Variants in YPEL2 observed in about 807,000 individuals in gnomAD.
YPEL2 encodes protein yippee-like 2.
In YPEL2, 2 loss-of-function variants were observed where a neutral mutation model predicts 19.1. That is an observed-to-expected ratio of 0.10 (90% CI 0.04 to 0.33). The LOEUF (loss-of-function observed/expected upper bound fraction) is 0.33. YPEL2 is among the 10% of genes least tolerant of loss of function. The probability of loss-of-function intolerance (pLI) is 1.00; values close to 1 mark genes in which losing one functional copy is unlikely to be tolerated. For synonymous variants in YPEL2, 52 were observed against 50.0 expected, an observed-to-expected ratio of 1.04 and a Z score of -0.17; for missense variants, 66 against 140.7, an observed-to-expected ratio of 0.47 and a Z score of 2.68.
chr17:59,385,437 G>T (rs2047975046), intron 2 of YPEL2, among the ~76,000 whole-genome samples: 1 of 151,992 alleles, frequency 6.6e-6, no homozygotes, highest in African/African-American at 2.4e-5. Flanking sequence ...AATTAGCCAG[G>T]CATGGTGGTG....
chr17:59,392,080 A>AT (rs2048010404), intron 4 of YPEL2, among the ~76,000 whole-genome samples: 1 of 152,014 alleles, frequency 6.6e-6, no homozygotes, highest in Non-Finnish European at 1.5e-5. Context: ...CACAGTTCTA[A>AT]TTGTGGTTAT....
At chr17:59,337,235 G>A (rs1320029585) in intron 1 of YPEL2, among the ~76,000 whole-genome samples, 1 of 148,494 alleles carries the variant, frequency 6.7e-6, no homozygotes. Flanking sequence ...TGGCCCAGGC[G>A]GGAGTGCAGT....
intron 1 of YPEL2, among the ~76,000 whole-genome samples, chr17:59,335,426 A>T (rs575625027): frequency 5.3e-5 from 8 of 151,188 alleles, no homozygotes; most frequent in Non-Finnish European, 8.9e-5. Flanking sequence ...CCAATCCCCA[A>T]CCTGTCCACT....
chr17:59,363,920 CCTCT>C (rs1259123188), intron 2 of YPEL2, among the ~76,000 whole-genome samples: 1 of 152,142 alleles, frequency 6.6e-6, no homozygotes, highest in Non-Finnish European at 1.5e-5. Context: ...CTTCTCCTTT[CCTCT>C]CTCTCTATTC....
In YPEL2 at chr17:59,353,570, C is replaced by A; in HGVS notation, c.117+44C>A. 1.4e-6 allele frequency: 2 copies of A among 1,427,354 alleles called. No homozygotes were observed. Among genetic ancestry groups the A allele is most frequent in the Non-Finnish European group, 2.0e-6 (2 of 1,010,278 alleles). 88.4% of individuals were successfully genotyped at this position (1,427,354 alleles called of 1,614,324 possible). On this transcript the variant is annotated intron_variant, in intron 2 of 4. Transcript: ENST00000312655. The surrounding 1 kb of genome is among the most constrained non-coding windows in gnomAD (Gnocchi z 4.8). Reference sequence around the variant, plus strand: ...CCTTCCTTGCCTACCCCGGGGAGGGCGCTTAGTGCTCCTGAAGTTGCAGAG... The same window carrying A: ...CCTTCCTTGCCTACCCCGGGGAGGGAGCTTAGTGCTCCTGAAGTTGCAGAG...
chr17:59,365,632 A>G (rs966248008), intron 2 of YPEL2, among the ~76,000 whole-genome samples: 1 of 152,226 alleles, frequency 6.6e-6, no homozygotes, highest in African/African-American at 2.4e-5. Context: ...GAACAAAACC[A>G]AAAGAGAATC....
Position 59,397,557 on chromosome 17 carries a change from C to T in YPEL2, c.*367C>T, listed in dbSNP as rs1261238786. On this transcript the variant is annotated 3_prime_UTR_variant, in exon 5 of 5. Transcript: ENST00000312655. ...TGTCAGGAGAGCAGTGGCACGGGGG[C>T]GTGAGGAAGAGGGAAAGGGGAAACT... 3.4e-5 allele frequency: 6 copies of T among 174,220 alleles called. No homozygotes were observed. The highest frequency in any genetic ancestry group is 1.5e-4 in the East Asian group (1 of 6,652). 10.8% of individuals were successfully genotyped at this position (174,220 alleles called of 1,614,324 possible). A position where few individuals can be genotyped will look rare whatever the true frequency, so the allele number is the denominator to read the frequency against.
Position 59,394,435 on chromosome 17 carries a change from C to T in YPEL2, c.271-2666C>T, listed in dbSNP as rs540381226. Among the ~76,000 whole-genome samples, 17 of 150,868 alleles carry T rather than the reference C, an allele frequency of 1.1e-4. No homozygotes were observed. The South Asian group carries it at 2.9e-3, about 26-fold the overall frequency. On this transcript the variant is annotated intron_variant, in intron 4 of 4. Transcript: ENST00000312655. ...CGATGGGCGGCCGGGCAGAGACGCT[C>T]CTCACTTCCTAGATGGGATGGCGGC...
rs936700189 is a variant in YPEL2 at position 59,397,351 on chromosome 17, C to T, written c.*161C>T. ...ACGCCATCTTTCTGGTGACCGGCCT[C>T]TAAATCGCTGTCTCTCTGTCTCTTT... On this transcript the variant is annotated 3_prime_UTR_variant, in exon 5 of 5. Coordinates refer to ENST00000312655, the MANE Select transcript of YPEL2 (RefSeq NM_001005404.4). 8 of 466,054 alleles carry T rather than the reference C, an allele frequency of 1.7e-5. No homozygotes were observed. The highest frequency in any genetic ancestry group is 8.2e-5 in the Admixed American group (2 of 24,362). 28.9% of individuals were successfully genotyped at this position (466,054 alleles called of 1,614,324 possible). A position where few individuals can be genotyped will look rare whatever the true frequency, so the allele number is the denominator to read the frequency against.
chr17:59,399,047 A>C lies in YPEL2; in HGVS notation c.*1857A>C, dbSNP rs2048056178. 2 of 152,450 alleles carry C rather than the reference A, an allele frequency of 1.3e-5. No homozygotes were observed. Among genetic ancestry groups the C allele is most frequent in the Admixed American group, 6.5e-5 (1 of 15,278 alleles). The allele number at this position is 152,450 out of a possible 1,614,324, so 9.4% of individuals were successfully genotyped here. ...TTGTCCAGATCTTTCCAGTGCTTTC[A>C]TAGCCCTGGGAGATCAAGTTGTTCT... On this transcript the variant is annotated 3_prime_UTR_variant, in exon 5 of 5. Transcript: ENST00000312655.
At chr17:59,349,876 G>T (rs1249148162) in intron 1 of YPEL2, among the ~76,000 whole-genome samples, 3 of 151,652 alleles carry the variant, frequency 2.0e-5, no homozygotes, top group Non-Finnish European at 4.4e-5. Context: ...GGCCAGGATG[G>T]TCTCAATCTC....
intron 4 of YPEL2, 62 bp downstream of exon 4, chr17:59,389,530 A>G: frequency 3.8e-6 from 5 of 1,333,016 alleles, no homozygotes; most frequent in Non-Finnish European, 5.3e-6. Flanking sequence ...GCCTTATGCC[A>G]GAACACTTTC....
chr17:59,351,854 G>T (rs2047789120), intron 1 of YPEL2, among the ~76,000 whole-genome samples: 3 of 152,184 alleles, frequency 2.0e-5, no homozygotes. Flanking sequence ...CTCTCACTGT[G>T]GGTTAAGGGG....
At position 59,335,909 on chromosome 17, in the gene YPEL2, G is replaced by C. The variant is rs190202485; in HGVS notation, c.-196+4085G>C. Among the ~76,000 whole-genome samples the C allele has an allele frequency of 1.2e-3, 182 of 152,220 alleles. 1 individual carries two copies. The highest frequency in any genetic ancestry group is 4.0e-3 in the African/African-American group (165 of 41,522). On this transcript the variant is annotated intron_variant, in intron 1 of 4. Coordinates refer to ENST00000312655, the MANE Select transcript of YPEL2 (RefSeq NM_001005404.4). Reference sequence around the variant, plus strand: ...TGGTTCTCAGAGCTACTTCCTGACGGACCAGTTATCTAGAACAGCTCCTCC... The same window carrying C: ...TGGTTCTCAGAGCTACTTCCTGACGCACCAGTTATCTAGAACAGCTCCTCC...
At chr17:59,385,982 T>C (rs2047978004) in intron 2 of YPEL2, among the ~76,000 whole-genome samples, 1 of 151,224 alleles carries the variant, frequency 6.6e-6, no homozygotes, top group Non-Finnish European at 1.5e-5. Context: ...ACTGAGGGAG[T>C]GAGATAAATA....
chr17:59,341,056 G>A (rs1273007237), intron 1 of YPEL2, among the ~76,000 whole-genome samples: 1 of 149,342 alleles, frequency 6.7e-6, no homozygotes, highest in Non-Finnish European at 1.5e-5. Flanking sequence ...CGGGCGCGGT[G>A]GCTCATGCCT....
chr17:59,394,045 G>T (rs938923348), intron 4 of YPEL2, among the ~76,000 whole-genome samples: 1 of 152,248 alleles, frequency 6.6e-6, no homozygotes, highest in Non-Finnish European at 1.5e-5. Context: ...TTCCAGACGG[G>T]GTGGTGGCCG....
intron 1 of YPEL2, among the ~76,000 whole-genome samples, chr17:59,348,628 G>A (rs1259258987): frequency 6.6e-6 from 1 of 152,162 alleles, no homozygotes; most frequent in East Asian, 1.9e-4. Context: ...GCTAGCTAGG[G>A]GTGGCGGCAA....
intron 2 of YPEL2, among the ~76,000 whole-genome samples, chr17:59,382,986 T>C (rs1222653233): frequency 1.3e-5 from 2 of 152,144 alleles, no homozygotes; most frequent in East Asian, 1.9e-4. Flanking sequence ...CCTTCACAAA[T>C]ATAATTTTAA....
Sources: gnomAD v4.1 joint callset for allele counts (sites outside exome capture counted in the v4.1 genomes callset) on GRCh38, gnomAD v4.1.1 for gene constraint, Gnocchi (gnomAD v3.1) non-coding constraint, MANE v1.5 for transcripts, NCBI Gene and HGNC (gene_info 2026-07-23, HGNC 2026-07-21) for gene names.